The following CRIM1 variants were observed in gnomAD, a reference collection of about 807,000 sequenced individuals.
CRIM1 encodes the protein cysteine-rich motor neuron 1 protein.
CRIM1 carries 32 observed loss-of-function variants against 116.4 expected under a neutral mutation model. The ratio of observed to expected loss-of-function variants is 0.27; its 90% CI spans 0.21 to 0.37. The LOEUF (loss-of-function observed/expected upper bound fraction) is 0.37. Ranked by LOEUF, CRIM1 falls within the 10% of genes least tolerant of loss-of-function variation. CRIM1 has a pLI of 1.00. For synonymous variants in CRIM1, 590 were observed against 509.2 expected (o/e 1.16, Z -2.13); for missense variants, 1,331 against 1,354.8 (o/e 0.98, Z 0.28).
intron 2 of CRIM1, among the ~76,000 whole-genome samples, chr2:36,422,980 G>C (rs1674182941): frequency 6.6e-6 from 1 of 152,120 alleles, no homozygotes; most frequent in Admixed American, 6.6e-5. Flanking sequence ...TCTTTCAAAT[G>C]AGCTTTTAAG....
intron 2 of CRIM1, among the ~76,000 whole-genome samples, chr2:36,414,464 C>T (rs1446219162): frequency 6.6e-6 from 1 of 152,168 alleles, no homozygotes; most frequent in Non-Finnish European, 1.5e-5. Context: ...AGACACTGTG[C>T]TAGATTCAGG....
intron 2 of CRIM1, among the ~76,000 whole-genome samples, chr2:36,416,289 A>G (rs1009167265): frequency 1.3e-5 from 2 of 152,174 alleles, no homozygotes; most frequent in African/African-American, 4.8e-5. Context: ...ATGCTAAAAA[A>G]TGGGACTTTA....
intron 1 of CRIM1, among the ~76,000 whole-genome samples, chr2:36,365,179 G>C (rs904682344): frequency 6.6e-6 from 1 of 152,190 alleles, no homozygotes; most frequent in African/African-American, 2.4e-5. Flanking sequence ...ACAGTTCCCA[G>C]CGCCTTTGGC....
At chr2:36,506,880 C>G (rs1681468452) in intron 8 of CRIM1, among the ~76,000 whole-genome samples, 1 of 151,720 alleles carries the variant, frequency 6.6e-6, no homozygotes, top group Admixed American at 6.6e-5. Flanking sequence ...TTTTTAGACA[C>G]AGGTTCTCAC....
chr2:36,503,506 C>T (rs1357397702), intron 8 of CRIM1, among the ~76,000 whole-genome samples: 8 of 152,186 alleles, frequency 5.3e-5, no homozygotes, highest in Non-Finnish European at 7.3e-5. Flanking sequence ...TCGGCCCAAG[C>T]TAGCCAACAT....
chr2:36,367,674 A>G (rs1011779077), intron 1 of CRIM1, among the ~76,000 whole-genome samples: 1 of 152,218 alleles, frequency 6.6e-6, no homozygotes, highest in Non-Finnish European at 1.5e-5. Context: ...TAGTGTCTAC[A>G]TGACTGCCAG....
At chr2:36,507,095 A>G (rs1481672777) in intron 8 of CRIM1, among the ~76,000 whole-genome samples, 2 of 152,122 alleles carry the variant, frequency 1.3e-5, no homozygotes, top group Admixed American at 6.6e-5. Flanking sequence ...CTTGGCCTCA[A>G]GCAATTCTCC....
intron 2 of CRIM1, among the ~76,000 whole-genome samples, chr2:36,397,416 A>C (rs17018699): frequency 0.14 from 20,838 of 152,126 alleles, 1,771 homozygotes; most frequent in East Asian, 0.49. Flanking sequence ...ACTCATCACC[A>C]CAGTAATCTT....
chr2:36,438,583 A>C (rs980794752), intron 2 of CRIM1, among the ~76,000 whole-genome samples: 1 of 152,164 alleles, frequency 6.6e-6, no homozygotes, highest in Non-Finnish European at 1.5e-5. Context: ...GGCTAGATGG[A>C]TTCTCTGAGA....
chr2:36,357,547 C>T (rs536120901), intron 1 of CRIM1, among the ~76,000 whole-genome samples: 2 of 152,182 alleles, frequency 1.3e-5, no homozygotes, highest in Admixed American at 6.5e-5. Flanking sequence ...AATCCCTGCC[C>T]GCTTGCGTCG....
At chr2:36,413,266 C>T (rs1420919071) in intron 2 of CRIM1, among the ~76,000 whole-genome samples, 1 of 152,150 alleles carries the variant, frequency 6.6e-6, no homozygotes, top group African/African-American at 2.4e-5. Context: ...AAAAAACATC[C>T]ACTTACCACT....
chr2:36,485,971 G>A (rs533215272), intron 7 of CRIM1, among the ~76,000 whole-genome samples: 23 of 152,284 alleles, frequency 1.5e-4, no homozygotes, highest in African/African-American at 5.3e-4. Context: ...GTCATATGTT[G>A]GGTAACAAAT....
intron 5 of CRIM1, among the ~76,000 whole-genome samples, chr2:36,465,024 A>G (rs926282150): frequency 2.0e-5 from 3 of 152,210 alleles, no homozygotes; most frequent in African/African-American, 4.8e-5. Context: ...TGACCTGGCT[A>G]AAACTGCATT....
chr2:36,542,727 G>A (rs1156683802), intron 14 of CRIM1, among the ~76,000 whole-genome samples: 3 of 152,196 alleles, frequency 2.0e-5, no homozygotes, highest in Non-Finnish European at 1.5e-5. Flanking sequence ...GGTGTGTGTG[G>A]CACTGAAAGG....
At chr2:36,545,759 T>TTATATCTTATTC (rs1296494271) in intron 15 of CRIM1, among the ~76,000 whole-genome samples, 6 of 152,114 alleles carry the variant, frequency 3.9e-5, no homozygotes, top group Admixed American at 3.3e-4. Context: ...CTTCCTTAAT[T>TTATATCTTATTC]TATATCTTAT....
intron 5 of CRIM1, among the ~76,000 whole-genome samples, chr2:36,467,617 A>G (rs1678151733): frequency 6.6e-6 from 1 of 152,204 alleles, no homozygotes; most frequent in African/African-American, 2.4e-5. Flanking sequence ...ATTCTATAAG[A>G]TAGTGATAAA....
intron 4 of CRIM1, 85 bp downstream of exon 4, chr2:36,442,820 C>A: frequency 6.8e-7 from 1 of 1,479,820 alleles, no homozygotes; most frequent in Non-Finnish European, 9.4e-7. Context: ...TTTGTTTTCC[C>A]ATGAGAAACC....
chr2:36,535,971 G>A (rs927350592), intron 13 of CRIM1, among the ~76,000 whole-genome samples: 2 of 152,322 alleles, frequency 1.3e-5, no homozygotes, highest in Admixed American at 6.5e-5. Context: ...GCACATGAGC[G>A]TCTTTGGATT....
In CRIM1 at chr2:36,512,394, G is replaced by A. The variant is rs778260809; in HGVS notation, c.1780G>A (p.Glu594Lys). ...CGGCTGTCTTATCTGCAAGTGCAGA[G>A]GTAAGTGTGTACACATGGCCCTTCC... is the stretch of plus-strand genomic sequence containing the variant. ...SHGCLICKCR[E>K]ASASAGPPIL... The change falls in exon 10 of 17, where the codon GAG (glutamate) becomes AAG (lysine). Residue 594 changes from glutamate to lysine, a missense_variant and splice_region_variant. By Grantham distance (56) the Glu-to-Lys change is moderately conservative. Coordinates refer to ENST00000280527, the MANE Select transcript of CRIM1 (RefSeq NM_016441.3). The A allele has an allele frequency of 1.6e-5, 26 of 1,611,766 alleles. No individual in the cohort carries two copies. Among genetic ancestry groups the A allele is most frequent in the Non-Finnish European group, 2.1e-5 (25 of 1,178,230 alleles).
Sources: gnomAD v4.1 joint callset for allele counts (sites outside exome capture counted in the v4.1 genomes callset) on GRCh38, gnomAD v4.1.1 for gene constraint, MANE v1.5 for transcripts, NCBI Gene and HGNC (gene_info 2026-07-23, HGNC 2026-07-21) for gene names.